Variants in WDR7 observed in about 807,000 individuals in gnomAD.
The protein encoded by WDR7 is WD repeat domain 7.
Under a neutral mutation model 169.4 loss-of-function variants are expected in WDR7, and 46 were observed. That is an observed-to-expected ratio of 0.27 (90% CI 0.21 to 0.35). WDR7 has a LOEUF of 0.35. Ranked by LOEUF, WDR7 falls within the 10% of genes least tolerant of loss-of-function variation. WDR7 has a pLI of 1.00. For synonymous variants in WDR7, 612 were observed against 666.8 expected (o/e 0.92, Z 1.27); for missense variants, 1,534 against 1,859.3 (o/e 0.83, Z 3.22).
In WDR7 at chr18:56,672,549, C is replaced by G. The variant is rs1257180292; in HGVS notation, c.34C>G (p.Leu12Val). ...AAACAGCCTTGTTCTACCCATTGTT[C>G]TTTGGGGTCGAAAAGCGCCCACACA... ...AGNSLVLPIVLWGRKAPTHCI... is the reference protein window; with the variant it reads ...AGNSLVLPIVVWGRKAPTHCI... Residue 12 changes from leucine (L) to valine (V), a missense_variant, in exon 2 of 28, where the codon CTT (leucine) becomes GTT (valine). By Grantham distance (32) the Leu-to-Val change is conservative (BLOSUM62 1). Coordinates refer to ENST00000254442, the MANE Select transcript of WDR7 (RefSeq NM_015285.3). The G allele has an allele frequency of 6.2e-7, 1 of 1,608,550 alleles. No homozygotes were observed. Among genetic ancestry groups the G allele is most frequent in the South Asian group, 1.1e-5 (1 of 90,146 alleles).
intron 16 of WDR7, among the ~76,000 whole-genome samples, chr18:56,763,659 G>A (rs2044017083): frequency 6.6e-6 from 1 of 152,190 alleles, no homozygotes; most frequent in South Asian, 2.1e-4. Flanking sequence ...ACGGGTGAGT[G>A]TAGGTTGATA....
intron 26 of WDR7, among the ~76,000 whole-genome samples, chr18:56,997,861 GT>G (rs1172933563): frequency 7.2e-5 from 11 of 152,122 alleles, no homozygotes; most frequent in Admixed American, 5.9e-4. Flanking sequence ...CTCCTTTGCA[GT>G]TTTTTAAATT....
chr18:56,683,676 A>G (rs1249936309), intron 5 of WDR7, among the ~76,000 whole-genome samples: 1 of 152,184 alleles, frequency 6.6e-6, no homozygotes, highest in Non-Finnish European at 1.5e-5. Context: ...CATCATATAG[A>G]TGAGGAGAAT....
At chr18:56,901,530 C>T (rs2046401886) in intron 21 of WDR7, among the ~76,000 whole-genome samples, 1 of 152,108 alleles carries the variant, frequency 6.6e-6, no homozygotes, top group South Asian at 2.1e-4. Flanking sequence ...ATTTGCATTT[C>T]AATGGCCTAG....
At chr18:56,747,787 G>A (rs1197828321) in intron 14 of WDR7, among the ~76,000 whole-genome samples, 2 of 152,174 alleles carry the variant, frequency 1.3e-5, no homozygotes, top group African/African-American at 4.8e-5. Flanking sequence ...TGTGGGCCAA[G>A]TTGGATCGTG....
chr18:56,989,764 GCTTAC>G (rs2047783562), intron 26 of WDR7, among the ~76,000 whole-genome samples: 1 of 151,988 alleles, frequency 6.6e-6, no homozygotes, highest in African/African-American at 2.4e-5. Context: ...AAGTTTCCAA[GCTTAC>G]CTTTATTCCC....
chr18:56,828,041 T>C (rs569281567), intron 20 of WDR7, among the ~76,000 whole-genome samples: 401 of 152,290 alleles, frequency 2.6e-3, no homozygotes, highest in African/African-American at 9.2e-3. Context: ...ACATAAATGG[T>C]TGATAACTAA....
chr18:56,932,874 G>GGTGGGTGTGTGTGTGT (rs1555713475), intron 22 of WDR7, among the ~76,000 whole-genome samples: 8 of 131,992 alleles, frequency 6.1e-5, no homozygotes, highest in African/African-American at 3.1e-4. Flanking sequence ...CTTCATTCTG[G>GGTGGGTGTGTGTGTGT]GTGTGTGTGT....
chr18:56,913,560 G>A (rs183750978), intron 21 of WDR7, among the ~76,000 whole-genome samples: 3 of 151,218 alleles, frequency 2.0e-5, no homozygotes, highest in Admixed American at 6.6e-5. Flanking sequence ...GCTTAGGTGG[G>A]AGGATCACTC....
At chr18:56,700,260 T>TC (rs1259265295) in intron 12 of WDR7, among the ~76,000 whole-genome samples, 19 of 127,568 alleles carry the variant, frequency 1.5e-4, no homozygotes, top group South Asian at 5.9e-4. Flanking sequence ...TTCTTTTTTT[T>TC]TTTTTTTTTT....
At chr18:56,948,039 GT>G (rs368412407) in intron 25 of WDR7, among the ~76,000 whole-genome samples, 2,661 of 150,988 alleles carry the variant, frequency 0.018, 33 homozygotes, top group Non-Finnish European at 0.027. Flanking sequence ...AAGGATTAGG[GT>G]TTTTTTTTAA....
intron 17 of WDR7, among the ~76,000 whole-genome samples, chr18:56,778,253 G>C (rs2044268795): frequency 6.6e-6 from 1 of 151,894 alleles, no homozygotes; most frequent in African/African-American, 2.4e-5. Flanking sequence ...ACTCTCTTTG[G>C]CAATTCCAAT....
At chr18:56,904,791 G>C (rs1217890769) in intron 21 of WDR7, among the ~76,000 whole-genome samples, 4 of 151,558 alleles carry the variant, frequency 2.6e-5, no homozygotes, top group Admixed American at 6.6e-5. Context: ...TTTTTTTTGA[G>C]CTTCTTCCCT....
At chr18:56,686,190 A>G (rs1216400544) in intron 6 of WDR7, among the ~76,000 whole-genome samples, 158 bp downstream of exon 6, 1 of 152,066 alleles carries the variant, frequency 6.6e-6, no homozygotes, top group Non-Finnish European at 1.5e-5. Context: ...ATTCTCTAGT[A>G]TGCTATGGGA....
In WDR7 at chr18:56,817,096, G is replaced by T. The variant is rs1252377478; in HGVS notation, c.3304+952G>T. 2.6e-5 allele frequency among the ~76,000 whole-genome samples: 4 copies of T among 152,082 alleles called. No homozygotes were observed. The East Asian group carries it at 7.7e-4, about 29-fold the overall frequency. Reference sequence around the variant, plus strand: ...ACAGTGGCTCACACCTGTAATCCCAGCACTTTGGGAGGCCGAGGTGGGCAG... The same window carrying T: ...ACAGTGGCTCACACCTGTAATCCCATCACTTTGGGAGGCCGAGGTGGGCAG... On this transcript the variant is annotated intron_variant, in intron 20 of 27. Coordinates refer to ENST00000254442, the MANE Select transcript of WDR7 (RefSeq NM_015285.3).
chr18:56,692,631 T>C (rs2025601142), intron 9 of WDR7, among the ~76,000 whole-genome samples: 2 of 152,010 alleles, frequency 1.3e-5, no homozygotes, highest in Admixed American at 6.6e-5. Context: ...TATTCAAACT[T>C]CCACTTACTG....
intron 19 of WDR7, among the ~76,000 whole-genome samples, chr18:56,804,587 T>A (rs1333141355): frequency 6.6e-6 from 1 of 152,146 alleles, no homozygotes; most frequent in East Asian, 1.9e-4. Context: ...AGTGAACCTA[T>A]TCATAAAGAA....
downstream of WDR7, chr18:57,032,801 TTATATATATATATATATATATATA>T (rs56876611): frequency 0.056 from 5,992 of 106,214 alleles, 400 homozygotes; most frequent in African/African-American, 0.12. Flanking sequence ...TATAATTATT[TTATATATATATATATATATATATA>T]TATATATATA....
intron 22 of WDR7, among the ~76,000 whole-genome samples, chr18:56,927,259 C>T (rs774830065): frequency 3.3e-5 from 5 of 152,090 alleles, no homozygotes; most frequent in Non-Finnish European, 5.9e-5. Flanking sequence ...ACATCTCCTG[C>T]TGAGCTGACT....
Sources: gnomAD v4.1 joint callset for allele counts (sites outside exome capture counted in the v4.1 genomes callset) on GRCh38, gnomAD v4.1.1 for gene constraint, MANE v1.5 for transcripts, NCBI Gene and HGNC (gene_info 2026-07-23, HGNC 2026-07-21) for gene names.